The following B3GALT1 variants were observed in gnomAD, a reference collection of about 807,000 sequenced individuals.
B3GALT1 encodes the protein UDP-Gal:betaGlcNAc beta 1,3-galactosyltransferase, polypeptide 1.
A neutral mutation model predicts 23.2 loss-of-function variants in B3GALT1; 10 were observed. That is an observed-to-expected ratio of 0.43 (90% CI 0.27 to 0.73). The LOEUF is 0.73. Ranked by LOEUF, B3GALT1 falls within the 30% of genes least tolerant of loss-of-function variation. The pLI, the probability that B3GALT1 is intolerant of heterozygous loss-of-function variation, is 0.21. For missense variants in B3GALT1, 299 were observed against 405.4 expected (o/e 0.74, Z 2.25); for synonymous variants, 156 against 141.5 (o/e 1.10, Z -0.73).
intron 1 of B3GALT1, among the ~76,000 whole-genome samples, chr2:167,440,102 G>A (rs1348151554): frequency 2.6e-5 from 4 of 151,902 alleles, no homozygotes; most frequent in African/African-American, 9.7e-5. Context: ...CCAGCACTTT[G>A]GGAGGCCGAG....
intron 1 of B3GALT1, among the ~76,000 whole-genome samples, chr2:167,424,905 G>T (rs939947633): frequency 2.0e-5 from 3 of 152,202 alleles, no homozygotes; most frequent in South Asian, 2.1e-4. Flanking sequence ...AGGAGAAAGA[G>T]AATTTTTTTC....
intron 2 of B3GALT1, among the ~76,000 whole-genome samples, chr2:167,525,088 G>A (rs1423035804): frequency 2.6e-5 from 4 of 152,054 alleles, no homozygotes; most frequent in Admixed American, 1.3e-4. Context: ...TGATAAAATG[G>A]TAGGTATATT....
At chr2:167,688,228 A>G (rs1057042340) in intron 3 of B3GALT1, among the ~76,000 whole-genome samples, 1 of 152,138 alleles carries the variant, frequency 6.6e-6, no homozygotes, top group Non-Finnish European at 1.5e-5. Flanking sequence ...AAAAGAGGAC[A>G]TAATAAAAGC....
At chr2:167,307,676 AT>A (rs2105483921) in intron 1 of B3GALT1, among the ~76,000 whole-genome samples, 2 of 152,034 alleles carry the variant, frequency 1.3e-5, no homozygotes, top group South Asian at 2.1e-4. Context: ...TAAGGAACCC[AT>A]TCTGTTTTGC....
intron 2 of B3GALT1, among the ~76,000 whole-genome samples, chr2:167,578,804 G>A (rs1684428450): frequency 6.6e-6 from 1 of 151,974 alleles, no homozygotes; most frequent in African/African-American, 2.4e-5. Context: ...CCCAGAAGCT[G>A]GAAGTCAGTG....
At chr2:167,306,448 CCA>C (rs886302688) in intron 1 of B3GALT1, among the ~76,000 whole-genome samples, 1 of 151,756 alleles carries the variant, frequency 6.6e-6, no homozygotes, top group Admixed American at 6.6e-5. Flanking sequence ...ATTTTTATGT[CCA>C]GTTTTCTAGA....
rs1005846432 is a variant in B3GALT1, at chr2:167,319,998, G to C, written c.-511+26664G>C. Among the ~76,000 whole-genome samples the C allele has an allele frequency of 4.6e-5, 7 of 152,056 alleles. 1 individual carries two copies. Among genetic ancestry groups the C allele is most frequent in the Admixed American group, 3.3e-4 (5 of 15,258 alleles). On this transcript the variant is annotated intron_variant, in intron 1 of 4. Coordinates refer to ENST00000392690, the MANE Select transcript of B3GALT1 (RefSeq NM_020981.4). ...GGTTTCTTATGCTAGAAGTGATAAA[G>C]CCATGATTTGGACCCAGATCAGTGA...
At chr2:167,828,701 C>T (rs1275729915) in intron 4 of B3GALT1, among the ~76,000 whole-genome samples, 1 of 152,194 alleles carries the variant, frequency 6.6e-6, no homozygotes, top group Non-Finnish European at 1.5e-5. Flanking sequence ...TTACTCTATG[C>T]TAAGCACTGT....
intron 3 of B3GALT1, among the ~76,000 whole-genome samples, chr2:167,710,854 G>A (rs929080508): frequency 6.6e-6 from 1 of 152,100 alleles, no homozygotes; most frequent in African/African-American, 2.4e-5. Flanking sequence ...TCTCACCTGG[G>A]CTAAGTTAAT....
Position 167,687,019 on chromosome 2 carries a change from G to A in B3GALT1, c.-352+40053G>A, listed in dbSNP as rs73017494. The stretch of plus-strand genomic sequence containing the variant: ...ATACAATACTTTTCAATATTCTGCC[G>A]TGGGTGTGTTTCAGAGGTCTCAATG... On this transcript the variant is annotated intron_variant, in intron 3 of 4. Transcript: ENST00000392690. Among the ~76,000 whole-genome samples, 1,283 of 152,226 alleles carry A rather than the reference G, an allele frequency of 8.4e-3. 18 individuals carry two copies. Among genetic ancestry groups the A allele is most frequent in the African/African-American group, 0.028 (1,175 of 41,542 alleles).
rs5836157 is a variant in B3GALT1, at chr2:167,704,183, C to CAAA, written c.-352+57234_-352+57236dup. Among the ~76,000 whole-genome samples, 405 of 112,898 alleles carry CAAA rather than the reference C, an allele frequency of 3.6e-3. 12 individuals are homozygous for CAAA. Among genetic ancestry groups the CAAA allele is most frequent in the East Asian group, 0.017 (64 of 3,694 alleles). The allele number at this position is 112,898 out of a possible 152,430, so 74.1% of individuals were successfully genotyped here. On this transcript the variant is annotated intron_variant, in intron 3 of 4. Transcript: ENST00000392690. Reference sequence around the variant, plus strand: ...GCAAAGGAGCGAAACTCAGTCTCAACAAAAAAAAAAAAAAAAAAAGGTAAC... The same window carrying CAAA: ...GCAAAGGAGCGAAACTCAGTCTCAACAAAAAAAAAAAAAAAAAAAAAAGGTAAC...
At chr2:167,735,185 G>T (rs1246252164) in intron 3 of B3GALT1, among the ~76,000 whole-genome samples, 6 of 152,192 alleles carry the variant, frequency 3.9e-5, no homozygotes, top group Admixed American at 3.9e-4. Context: ...ACCACACAGA[G>T]AAATAGCTTA....
chr2:167,870,076 G>GTGTT lies in B3GALT1; in HGVS notation c.*57_*60dup. ...CTTTTTTTAAGAAATGGGACCTAAG[G>GTGTT]TGTTGGTATTTTCCAGGTGTCGGGG... On this transcript the variant is annotated 3_prime_UTR_variant, in exon 5 of 5. Coordinates refer to ENST00000392690, the MANE Select transcript of B3GALT1 (RefSeq NM_020981.4). The GTGTT allele has an allele frequency of 6.7e-7, 1 of 1,488,052 alleles. No homozygotes were observed. The highest frequency in any genetic ancestry group is 2.3e-5 in the East Asian group (1 of 43,686). The allele number at this position is 1,488,052 out of a possible 1,614,324, so 92.2% of individuals were successfully genotyped here.
chr2:167,558,597 C>T (rs1454704891), intron 2 of B3GALT1, among the ~76,000 whole-genome samples: 1 of 152,158 alleles, frequency 6.6e-6, no homozygotes, highest in Non-Finnish European at 1.5e-5. Context: ...TTGGATCACT[C>T]CCACCTGAAT....
At chr2:167,854,477 C>T (rs573628857) in intron 4 of B3GALT1, among the ~76,000 whole-genome samples, 3 of 152,216 alleles carry the variant, frequency 2.0e-5, no homozygotes, top group Non-Finnish European at 4.4e-5. Context: ...TTACTCACAA[C>T]TGTGATGTTC....
chr2:167,547,849 G>A (rs899734929), intron 2 of B3GALT1, among the ~76,000 whole-genome samples: 3 of 152,148 alleles, frequency 2.0e-5, no homozygotes, highest in African/African-American at 7.2e-5. Flanking sequence ...TTTTCTGCAT[G>A]CAGAGGCTCA....
chr2:167,791,673 A>G (rs1688439867), intron 3 of B3GALT1, among the ~76,000 whole-genome samples: 1 of 152,202 alleles, frequency 6.6e-6, no homozygotes, highest in Admixed American at 6.5e-5. Context: ...AAATATAGAG[A>G]AAACTATAAA....
chr2:167,374,155 G>C (rs1225702835), intron 1 of B3GALT1, among the ~76,000 whole-genome samples: 2 of 152,122 alleles, frequency 1.3e-5, no homozygotes, highest in African/African-American at 4.8e-5. Flanking sequence ...TAGGATAATT[G>C]TCTCCAGCTG....
At chr2:167,510,535 T>A (rs2105353840) in intron 2 of B3GALT1, among the ~76,000 whole-genome samples, 1 of 152,186 alleles carries the variant, frequency 6.6e-6, no homozygotes, top group East Asian at 1.9e-4. Flanking sequence ...GGATTGTGAT[T>A]GGCATGTTTA....
Sources: gnomAD v4.1 joint callset for allele counts (sites outside exome capture counted in the v4.1 genomes callset) on GRCh38, gnomAD v4.1.1 for gene constraint, MANE v1.5 for transcripts, NCBI Gene and HGNC (gene_info 2026-07-23, HGNC 2026-07-21) for gene names.